KCNIP1: variants seen among roughly 807,000 people sequenced by gnomAD.
KCNIP1 encodes A-type potassium channel modulatory protein KCNIP1.
Under a neutral mutation model 33.0 loss-of-function variants are expected in KCNIP1, and 18 were observed. The observed-to-expected ratio is 0.55, with a 90% CI of 0.38 to 0.81. The LOEUF (loss-of-function observed/expected upper bound fraction) is 0.81. Among genes scored for constraint, KCNIP1 ranks in the 30% least tolerant of loss-of-function variants. The probability of loss-of-function intolerance (pLI) is 0.00; values close to 1 mark genes in which losing one functional copy is unlikely to be tolerated. For synonymous variants in KCNIP1, 93 were observed against 98.3 expected, an observed-to-expected ratio of 0.95 and a Z score of 0.32; for missense variants, 238 against 271.6, an observed-to-expected ratio of 0.88 and a Z score of 0.87.
rs578051347 is a variant in KCNIP1, at chr5:170,410,435, G to T, written c.88+56471G>T. Among the ~76,000 whole-genome samples, 3 of 152,372 alleles carry T rather than the reference G, an allele frequency of 2.0e-5. No homozygotes were observed. The East Asian group carries it at 5.8e-4, about 29-fold the overall frequency. On this transcript the variant is annotated intron_variant, in intron 1 of 7. Coordinates refer to the KCNIP1 transcript ENST00000377360. ...GGTGCACCGGGTCCCCCACACAGGG[G>T]ATCGCAGACATAGTGCAGGGGCACC...
At chr5:170,544,530 A>G (rs959749025) in intron 1 of KCNIP1, among the ~76,000 whole-genome samples, 1 of 152,086 alleles carries the variant, frequency 6.6e-6, no homozygotes, top group African/African-American at 2.4e-5. Context: ...TTAGTCATTT[A>G]TATTTACTAT....
At chr5:170,450,261 C>A (rs983133878) in intron 1 of KCNIP1, among the ~76,000 whole-genome samples, 2 of 152,096 alleles carry the variant, frequency 1.3e-5, no homozygotes, top group Non-Finnish European at 2.9e-5. Context: ...TTTACAGCAC[C>A]CTCCTCGGTG....
At chr5:170,643,158 T>G (rs1049150581) in intron 1 of KCNIP1, among the ~76,000 whole-genome samples, 2 of 152,066 alleles carry the variant, frequency 1.3e-5, no homozygotes, top group African/African-American at 4.8e-5. Flanking sequence ...TGATGATGAG[T>G]CAGAGGCTGG....
intron 1 of KCNIP1, among the ~76,000 whole-genome samples, chr5:170,591,649 A>C (rs1005180380): frequency 1.3e-5 from 2 of 152,142 alleles, no homozygotes; most frequent in African/African-American, 2.4e-5. Flanking sequence ...TCTATTTTCT[A>C]TCTCTACAAA....
intron 1 of KCNIP1, among the ~76,000 whole-genome samples, chr5:170,410,832 T>C (rs1755167110): frequency 1.3e-5 from 2 of 152,318 alleles, no homozygotes; most frequent in South Asian, 4.1e-4. Flanking sequence ...TGGCTCAGTG[T>C]AGGTGCACAA....
chr5:170,595,132 C>T (rs1168099738), intron 1 of KCNIP1, among the ~76,000 whole-genome samples: 1 of 152,154 alleles, frequency 6.6e-6, no homozygotes, highest in Non-Finnish European at 1.5e-5. Context: ...CCCAGAGAGT[C>T]CTGAATGACA....
At position 170,538,678 on chromosome 5, in the gene KCNIP1, ACT is replaced by A. The variant is rs142663227; in HGVS notation, c.61+34049_61+34050del. ...ATGAGACCCAGATGCTGCCCCCAAA[ACT>A]CTCAGTTTATGGACTGTCCATCTTG... On this transcript the variant is annotated intron_variant, in intron 1 of 7. Coordinates refer to ENST00000328939, the MANE Select transcript of KCNIP1 (RefSeq NM_014592.4). Among the ~76,000 whole-genome samples the A allele has an allele frequency of 1.9e-3, 293 of 150,848 alleles. 10 individuals carry two copies. The East Asian group carries it at 0.046, about 23-fold the overall frequency.
intron 1 of KCNIP1, among the ~76,000 whole-genome samples, chr5:170,545,433 C>G: frequency 6.6e-6 from 1 of 152,128 alleles, no homozygotes; most frequent in African/African-American, 2.4e-5. Context: ...TTCGGAAACT[C>G]TTGATCATTG....
chr5:170,633,724 A>C (rs1422302712), intron 1 of KCNIP1, among the ~76,000 whole-genome samples: 6 of 3,110 alleles, frequency 1.9e-3, no homozygotes, highest in African/African-American at 5.2e-3. Flanking sequence ...GGGGGGGCGG[A>C]GGGGGGGACG....
At chr5:170,677,894 C>CA (rs1353652748) in intron 1 of KCNIP1, among the ~76,000 whole-genome samples, 2 of 151,832 alleles carry the variant, frequency 1.3e-5, no homozygotes, top group South Asian at 2.1e-4. Flanking sequence ...GATTCTTGGC[C>CA]AAAAAAATAA....
chr5:170,550,020 A>G (rs1756550166), intron 1 of KCNIP1, among the ~76,000 whole-genome samples: 1 of 152,154 alleles, frequency 6.6e-6, no homozygotes, highest in African/African-American at 2.4e-5. Flanking sequence ...GTTCTGTCTC[A>G]TGGAGCTTGT....
At chr5:170,371,831 A>G (rs1054747138) in intron 1 of KCNIP1, among the ~76,000 whole-genome samples, 1 of 152,236 alleles carries the variant, frequency 6.6e-6, no homozygotes, top group African/African-American at 2.4e-5. Flanking sequence ...GTGTTGCTGC[A>G]GGTTGTCATT....
At chr5:170,511,766 G>A (rs1213505732) in intron 1 of KCNIP1, among the ~76,000 whole-genome samples, 2 of 152,184 alleles carry the variant, frequency 1.3e-5, no homozygotes, top group East Asian at 3.8e-4. Context: ...CCTTACTAAG[G>A]GTCATAGAGC....
At chr5:170,367,421 G>GAAAGAAAGAAAGGAAAGAAA (rs1554086776) in intron 1 of KCNIP1, among the ~76,000 whole-genome samples, 8 of 74,724 alleles carry the variant, frequency 1.1e-4, no homozygotes, top group East Asian at 6.6e-4. Context: ...AAGAAAGAAA[G>GAAAGAAAGAAAGGAAAGAAA]GAAAGAAAGA....
intron 1 of KCNIP1, among the ~76,000 whole-genome samples, chr5:170,370,094 G>A (rs1344378714): frequency 6.6e-6 from 1 of 152,176 alleles, no homozygotes; most frequent in African/African-American, 2.4e-5. Flanking sequence ...AATGAAGCAA[G>A]AGGGGAGAGA....
chr5:170,375,114 T>G (rs979963912), intron 1 of KCNIP1: 1 of 152,238 alleles, frequency 6.6e-6, no homozygotes, highest in Non-Finnish European at 1.5e-5. Flanking sequence ...TCTTCCTTTT[T>G]TAACTTAAAT....
At chr5:170,491,972 T>C (rs1269616317) in intron 1 of KCNIP1, among the ~76,000 whole-genome samples, 3 of 152,312 alleles carry the variant, frequency 2.0e-5, no homozygotes, top group African/African-American at 7.2e-5. Flanking sequence ...CTTTCTGAGT[T>C]TTCATAATAA....
chr5:170,391,291 C>T (rs948802152), intron 1 of KCNIP1, among the ~76,000 whole-genome samples: 2 of 152,142 alleles, frequency 1.3e-5, no homozygotes, highest in East Asian at 1.9e-4. Context: ...GCTCCTTGCT[C>T]GTGATACTCT....
chr5:170,600,681 C>G (rs911110241), intron 1 of KCNIP1, among the ~76,000 whole-genome samples: 9 of 152,302 alleles, frequency 5.9e-5, no homozygotes, highest in African/African-American at 2.2e-4. Context: ...CTAGCTTGGT[C>G]CCTGCATTCA....
Sources: gnomAD v4.1 joint callset for allele counts (sites outside exome capture counted in the v4.1 genomes callset) on GRCh38, gnomAD v4.1.1 for gene constraint, MANE v1.5 for transcripts, NCBI Gene and HGNC (gene_info 2026-07-23, HGNC 2026-07-21) for gene names.